MOGAT1: variants seen among roughly 807,000 people sequenced by gnomAD.
The protein encoded by MOGAT1 is 2-acylglycerol O-acyltransferase 1.
A neutral mutation model predicts 31.4 loss-of-function variants in MOGAT1; 32 were observed. That is an observed-to-expected ratio of 1.02 (90% confidence interval 0.77 to 1.37). The LOEUF is 1.37. Among genes scored for constraint, MOGAT1 ranks in the 40% most tolerant of loss-of-function variants. MOGAT1 has a pLI of 0.00. For missense variants in MOGAT1, 426 were observed against 402.0 expected (o/e 1.06, Z -0.51); for synonymous variants, 145 against 144.5 (o/e 1.00, Z -0.03).
At chr2:222,695,018 T>C in intron 4 of MOGAT1, 71 bp from the exon 5 acceptor site, 1 of 1,227,326 alleles carries the variant, frequency 8.1e-7, no homozygotes, top group Middle Eastern at 2.0e-4. Context: ...GTTGCAAGAG[T>C]CAGCTAAACA....
Position 222,693,525 on chromosome 2 carries a change from G to A in MOGAT1, c.479-837G>A, listed in dbSNP as rs531966071. 4.6e-4 allele frequency among the ~76,000 whole-genome samples: 69 copies of A among 151,016 alleles called. No homozygotes were observed. In the Middle Eastern group the frequency reaches 0.021, roughly 45 times the overall value. On this transcript the variant is annotated intron_variant, in intron 3 of 5. Coordinates refer to ENST00000446656, the MANE Select transcript of MOGAT1 (RefSeq NM_058165.3). ...CTGATAAAGACATATCCAAGACTGGGAAGAAAAAGAGGTTTGAAAGACTTA... is the reference window on the plus strand; with the variant it reads ...CTGATAAAGACATATCCAAGACTGGAAAGAAAAAGAGGTTTGAAAGACTTA...
At chr2:222,685,272 G>C (rs1420234418) in intron 1 of MOGAT1, among the ~76,000 whole-genome samples, 3 of 152,208 alleles carry the variant, frequency 2.0e-5, no homozygotes, top group Non-Finnish European at 2.9e-5. Context: ...TATTATAACA[G>C]TGGCTCACAT....
intron 5 of MOGAT1, among the ~76,000 whole-genome samples, chr2:222,707,913 G>A (rs1041011982): frequency 6.6e-6 from 1 of 152,152 alleles, no homozygotes; most frequent in Non-Finnish European, 1.5e-5. Context: ...ACATGAATCA[G>A]AACCTCGTAT....
intron 3 of MOGAT1, among the ~76,000 whole-genome samples, chr2:222,690,769 A>T (rs1692747257): frequency 6.6e-6 from 1 of 152,170 alleles, no homozygotes; most frequent in Non-Finnish European, 1.5e-5. Context: ...CCTCCAAGCT[A>T]CCGGAAGATC....
chr2:222,687,113 C>CAAAA (rs1177781176), intron 1 of MOGAT1, among the ~76,000 whole-genome samples: 2 of 22,452 alleles, frequency 8.9e-5, no homozygotes, highest in Middle Eastern at 0.026. Flanking sequence ...GACTCCATCT[C>CAAAA]AAAAAAAAAA....
rs139578327 is a variant in MOGAT1, at chr2:222,685,293, C to T, written c.95-3051C>T. On this transcript the variant is annotated intron_variant, in intron 1 of 5. Coordinates refer to ENST00000446656, the MANE Select transcript of MOGAT1 (RefSeq NM_058165.3). ...AACAGTGGCTCACATTTGATGAATACCAGTTCTGTGCCAGGAACTGTACAC... is the reference window on the plus strand; with the variant it reads ...AACAGTGGCTCACATTTGATGAATATCAGTTCTGTGCCAGGAACTGTACAC... 3.6e-4 allele frequency among the ~76,000 whole-genome samples: 55 copies of T among 152,242 alleles called. No individual in the cohort carries two copies. In the East Asian group the frequency reaches 9.3e-3, roughly 26 times the overall value.
chr2:222,676,561 G>A (rs1692500824), intron 1 of MOGAT1, among the ~76,000 whole-genome samples: 1 of 152,144 alleles, frequency 6.6e-6, no homozygotes, highest in African/African-American at 2.4e-5. Context: ...TTCACCTACA[G>A]ATATTTGTAT....
At chr2:222,673,006 C>T (rs1692444340) in intron 1 of MOGAT1, among the ~76,000 whole-genome samples, 1 of 151,394 alleles carries the variant, frequency 6.6e-6, no homozygotes, top group Admixed American at 6.6e-5. Context: ...CTCCGCCTCC[C>T]GGGTTCAAGT....
At chr2:222,708,274 G>A (rs769575679) in intron 5 of MOGAT1, among the ~76,000 whole-genome samples, 36 of 152,092 alleles carry the variant, frequency 2.4e-4, no homozygotes, top group Non-Finnish European at 4.4e-5. Context: ...AGTAGAGACG[G>A]TGTTTCGCCA....
At chr2:222,699,688 C>T (rs894013143) in intron 5 of MOGAT1, among the ~76,000 whole-genome samples, 2 of 151,748 alleles carry the variant, frequency 1.3e-5, no homozygotes, top group African/African-American at 2.4e-5. Flanking sequence ...TTAGTAAAGA[C>T]GGAGTTTCAC....
intron 1 of MOGAT1, among the ~76,000 whole-genome samples, chr2:222,678,680 C>A (rs758414372): frequency 3.3e-5 from 5 of 152,118 alleles, no homozygotes; most frequent in Non-Finnish European, 5.9e-5. Flanking sequence ...CTGGCTCATG[C>A]CTGTAATCCC....
chr2:222,680,351 A>G lies in MOGAT1; in HGVS notation c.95-7993A>G, dbSNP rs181127621. Among the ~76,000 whole-genome samples the G allele has an allele frequency of 2.3e-3, 348 of 152,338 alleles. 1 individual carries two copies. Among genetic ancestry groups the G allele is most frequent in the African/African-American group, 8.0e-3 (334 of 41,566 alleles). ...TGGTTTCAGCCAGATCTTTGTTATA[A>G]TTTATTTGCCTTCATCAGGCAAGGA... On this transcript the variant is annotated intron_variant, in intron 1 of 5. Transcript: ENST00000446656.
chr2:222,694,210 G>C (rs1263010660), intron 3 of MOGAT1, among the ~76,000 whole-genome samples, 152 bp from the exon 4 acceptor site: 2 of 152,166 alleles, frequency 1.3e-5, no homozygotes, highest in Non-Finnish European at 2.9e-5. Flanking sequence ...TAAAGATTTG[G>C]CTATGAAAAA....
Position 222,688,484 on chromosome 2 carries a change from A to C in MOGAT1, c.235A>C (p.Thr79Pro), listed in dbSNP as rs754944979. 1 of 1,613,384 alleles carries C rather than the reference A, an allele frequency of 6.2e-7. No homozygotes were observed. Among genetic ancestry groups the C allele is most frequent in the Non-Finnish European group, 8.5e-7 (1 of 1,179,710 alleles). Reference sequence around the variant, plus strand: ...GAGATCCAGCTGGATCAAAAATTGGACTCTTTGGAAACACTTTAAGGACTA... The same window carrying C: ...GAGATCCAGCTGGATCAAAAATTGGCCTCTTTGGAAACACTTTAAGGACTA... ...GRRSSWIKNW[T>P]LWKHFKDYFP... The change falls in exon 2 of 6, where the codon ACT becomes CCT. Residue 79 changes from threonine (T) to proline (P), a missense_variant. By Grantham distance (38) the Thr-to-Pro change is conservative (BLOSUM62 -1). Coordinates refer to ENST00000446656, the MANE Select transcript of MOGAT1 (RefSeq NM_058165.3).
rs59763447 is a variant in MOGAT1 at position 222,676,150 on chromosome 2, CT to C, written c.94+4286del. ...CCCTTCCCAAGCAACCACTGATCTC[CT>C]TTTTTTTTTTTTTTAAATACAGACG... On this transcript the variant is annotated intron_variant, in intron 1 of 5. Coordinates refer to ENST00000446656, the MANE Select transcript of MOGAT1 (RefSeq NM_058165.3). Among the ~76,000 whole-genome samples, 1,200 of 140,048 alleles carry C rather than the reference CT, an allele frequency of 8.6e-3. 2 individuals are homozygous for C. The highest frequency in any genetic ancestry group is 0.011 in the African/African-American group (411 of 36,940). 91.9% of individuals were successfully genotyped at this position (140,048 alleles called of 152,430 possible).
intron 5 of MOGAT1, among the ~76,000 whole-genome samples, chr2:222,701,509 AG>A: frequency 6.8e-6 from 1 of 146,766 alleles, no homozygotes; most frequent in Non-Finnish European, 1.5e-5. Context: ...GAGGGATGGA[AG>A]GAAGGAAGGG....
chr2:222,688,398 T>C lies in MOGAT1; in HGVS notation c.149T>C (p.Leu50Pro). 1 of 1,613,492 alleles carries C rather than the reference T, an allele frequency of 6.2e-7. No individual in the cohort carries two copies. Among genetic ancestry groups the C allele is most frequent in the Non-Finnish European group, 8.5e-7 (1 of 1,179,678 alleles). Residue 50 changes from leucine to proline, a missense_variant, in exon 2 of 6, where the codon CTT becomes CCT. By Grantham distance (98) the Leu-to-Pro change is moderately conservative. Transcript: ENST00000446656. ...VMLIIHNYLF[L>P]YIPYLMWLYF... is the part of the protein sequence containing the mutation. ...CTGATCATACACAACTATTTGTTCC[T>C]TTACATCCCTTATTTGATGTGGCTT... is the stretch of plus-strand genomic sequence containing the variant.
chr2:222,688,473 T>C lies in MOGAT1; in HGVS notation c.224T>C (p.Ile75Thr). 6.2e-7 allele frequency: 1 copy of C among 1,613,648 alleles called. No homozygotes were observed. Among genetic ancestry groups the C allele is most frequent in the Non-Finnish European group, 8.5e-7 (1 of 1,179,762 alleles). The change falls in exon 2 of 6, where the codon ATC becomes ACC. Residue 75 changes from isoleucine (I) to threonine (T), a missense_variant. Transcript: ENST00000446656. Reference sequence around the variant, plus strand: ...CGAGGAGGCAGGAGATCCAGCTGGATCAAAAATTGGACTCTTTGGAAACAC... The same window carrying C: ...CGAGGAGGCAGGAGATCCAGCTGGACCAAAAATTGGACTCTTTGGAAACAC... Reference protein sequence around the residue: ...PERGGRRSSWIKNWTLWKHFK... With the variant: ...PERGGRRSSWTKNWTLWKHFK...
chr2:222,695,356 GC>G, intron 5 of MOGAT1, 68 bp downstream of exon 5: 1 of 1,053,464 alleles, frequency 9.5e-7, no homozygotes, highest in South Asian at 1.8e-5. Context: ...TGATTGAGGT[GC>G]TAATGCAAGG....
Sources: gnomAD v4.1 joint callset for allele counts (sites outside exome capture counted in the v4.1 genomes callset) on GRCh38, gnomAD v4.1.1 for gene constraint, MANE v1.5 for transcripts, NCBI Gene and HGNC (gene_info 2026-07-23, HGNC 2026-07-21) for gene names.